Variants in DNAJB9 observed in about 807,000 individuals in gnomAD.
DNAJB9 encodes DnaJ heat shock protein family (Hsp40) member B9, also known as dnaJ homolog subfamily B member 9.
Under a neutral mutation model 19.2 loss-of-function variants are expected in DNAJB9, and 12 were observed. The observed-to-expected ratio is 0.62, with a 90% CI of 0.40 to 1.01. The LOEUF (loss-of-function observed/expected upper bound fraction) is 1.01. Ranked by LOEUF, DNAJB9 falls within the 50% of genes least tolerant of loss-of-function variation. DNAJB9 has a pLI of 0.00. For synonymous variants in DNAJB9, 83 were observed against 84.0 expected, an observed-to-expected ratio of 0.99 and a Z score of 0.07; for missense variants, 272 against 261.1, an observed-to-expected ratio of 1.04 and a Z score of -0.29.
rs1223108571 is a variant in DNAJB9, at chr7:108,573,124, G to T, written c.443G>T (p.Gly148Val). ...CATTTCCAGACACGCCAGGATGGTG[G>T]TTCCAGTAGACAAAGGCATCATTTC... ...ENHFQTRQDGGSSRQRHHFQE... is the reference protein window; with the variant it reads ...ENHFQTRQDGVSSRQRHHFQE... Residue 148 changes from glycine (G) to valine (V), a missense_variant, in exon 3 of 3, where the codon GGT becomes GTT. Physicochemically the swap from Gly to Val is moderately radical, Grantham distance 109. Coordinates refer to ENST00000249356, the MANE Select transcript of DNAJB9 (RefSeq NM_012328.3). 6.2e-7 allele frequency: 1 copy of T among 1,614,054 alleles called. No individual in the cohort carries two copies. The highest frequency in any genetic ancestry group is 1.7e-5 in the Admixed American group (1 of 60,032).
At position 108,574,317 on chromosome 7, in the gene DNAJB9, A is replaced by G. The variant is rs1031211821; in HGVS notation, c.*964A>G. 4 of 152,658 alleles carry G rather than the reference A, an allele frequency of 2.6e-5. No individual in the cohort carries two copies. Among genetic ancestry groups the G allele is most frequent in the Non-Finnish European group, 5.9e-5 (4 of 68,036 alleles). The allele number at this position is 152,658 out of a possible 1,614,324, so 9.5% of individuals were successfully genotyped here. ...TGCACTTTTCCACATTATACTCCAT[A>G]TGAGTATTAATCCTATGGATACATA... On this transcript the variant is annotated 3_prime_UTR_variant, in exon 3 of 3. Transcript: ENST00000249356.
intron 1 of DNAJB9, 30 bp from the exon 2 acceptor site, chr7:108,571,687 C>T (rs369690353): frequency 5.6e-5 from 87 of 1,563,886 alleles, no homozygotes; most frequent in Non-Finnish European, 7.3e-5. Flanking sequence ...TAGCTCCATC[C>T]ATAACATTTT....
Position 108,569,929 on chromosome 7 carries a change from C to G in DNAJB9, c.-185C>G. The G allele has an allele frequency of 5.4e-6, 2 of 369,646 alleles. No individual in the cohort carries two copies. Among genetic ancestry groups the G allele is most frequent in the South Asian group, 6.1e-5 (2 of 32,640 alleles). The allele number at this position is 369,646 out of a possible 1,614,324, so 22.9% of individuals were successfully genotyped here. ...CTGTGAGGAGCTGGCTGAGAGGGGA[C>G]TGGGCGCCGGCGGGGAAGGAGGAGC... On this transcript the variant is annotated 5_prime_UTR_variant, in exon 1 of 3. Transcript: ENST00000249356.
chr7:108,569,878 T>G lies in DNAJB9; in HGVS notation c.-236T>G. Reference sequence around the variant, plus strand: ...AGCGTTTCGTGTAGGTCTTCTGAGGTGGTGGCGCCAGCGGCTACCTCCTGC... The same window carrying G: ...AGCGTTTCGTGTAGGTCTTCTGAGGGGGTGGCGCCAGCGGCTACCTCCTGC... On this transcript the variant is annotated 5_prime_UTR_variant, in exon 1 of 3. Transcript: ENST00000249356. The G allele has an allele frequency of 2.0e-6, 1 of 493,660 alleles. No individual in the cohort carries two copies. Among genetic ancestry groups the G allele is most frequent in the Non-Finnish European group, 3.7e-6 (1 of 272,102 alleles). The allele number at this position is 493,660 out of a possible 1,614,324, so 30.6% of individuals were successfully genotyped here.
At position 108,573,136 on chromosome 7, in the gene DNAJB9, A is replaced by G. The variant is rs749079782; in HGVS notation, c.455A>G (p.Gln152Arg). 2.5e-6 allele frequency: 4 copies of G among 1,614,102 alleles called. No individual in the cohort carries two copies. The South Asian group carries it at 4.4e-5, about 18-fold the overall frequency. ...CGCCAGGATGGTGGTTCCAGTAGAC[A>G]AAGGCATCATTTCCAAGAATTTTCT... ...QTRQDGGSSR[Q>R]RHHFQEFSFG... The change falls in exon 3 of 3, where the codon CAA becomes CGA. Residue 152 changes from glutamine to arginine, a missense_variant. Gln to Arg is a conservative substitution (Grantham distance 43, BLOSUM62 1). Transcript: ENST00000249356.
Position 108,573,067 on chromosome 7 carries a change from A to G in DNAJB9, c.386A>G (p.Gln129Arg), listed in dbSNP as rs1275557170. The G allele has an allele frequency of 1.2e-6, 2 of 1,613,976 alleles. No individual in the cohort carries two copies. The highest frequency in any genetic ancestry group is 2.7e-5 in the African/African-American group (2 of 74,942). ...FKDFGFFGQN[Q>R]NTGSKKRFEN... ...GACTTTGGCTTTTTTGGTCAAAACCAAAACACTGGATCCAAGAAGCGTTTT... is the reference window on the plus strand; with the variant it reads ...GACTTTGGCTTTTTTGGTCAAAACCGAAACACTGGATCCAAGAAGCGTTTT... The change falls in exon 3 of 3, where the codon CAA becomes CGA. Residue 129 changes from glutamine (Q) to arginine (R), a missense_variant. Gln to Arg is a conservative substitution (Grantham distance 43, BLOSUM62 1). Coordinates refer to ENST00000249356, the MANE Select transcript of DNAJB9 (RefSeq NM_012328.3).
rs193080310 is a variant in DNAJB9 at position 108,574,239 on chromosome 7, A to G, written c.*886A>G. 1 of 152,706 alleles carries G rather than the reference A, an allele frequency of 6.5e-6. No homozygotes were observed. Among genetic ancestry groups the G allele is most frequent in the East Asian group, 1.9e-4 (1 of 5,192 alleles). The allele number at this position is 152,706 out of a possible 1,614,324, so 9.5% of individuals were successfully genotyped here. A position where few individuals can be genotyped will look rare whatever the true frequency, so the allele number is the denominator to read the frequency against. On this transcript the variant is annotated 3_prime_UTR_variant, in exon 3 of 3. Transcript: ENST00000249356. ...CAACCTTACTATGTGCAATATTTTT[A>G]AATCCTGAGAAATGTGTGCTTTTGT...
intron 2 of DNAJB9, 146 bp from the exon 3 acceptor site, chr7:108,572,753 T>A: frequency 1.6e-6 from 1 of 638,838 alleles, no homozygotes; most frequent in Non-Finnish European, 2.6e-6. Flanking sequence ...ACTTGATGCT[T>A]ATATTTGTAG....
intron 1 of DNAJB9, among the ~76,000 whole-genome samples, chr7:108,571,070 G>A (rs941665207): frequency 1.2e-4 from 18 of 152,296 alleles, no homozygotes; most frequent in Admixed American, 9.8e-4. Context: ...TTCATCATGA[G>A]TTTTAAACAA....
At position 108,574,760 on chromosome 7, in the gene DNAJB9, G is replaced by A. The variant is rs1248421862; in HGVS notation, c.*1407G>A. On this transcript the variant is annotated 3_prime_UTR_variant, in exon 3 of 3. Transcript: ENST00000249356. ...TCTTTAATTTGAAACTTAAGAAAAT[G>A]AATTTATTCTGTTATATTTATGTAA... is the stretch of plus-strand genomic sequence containing the variant. 1.3e-5 allele frequency: 2 copies of A among 152,120 alleles called. No individual in the cohort carries two copies. The highest frequency in any genetic ancestry group is 4.8e-5 in the African/African-American group (2 of 41,412). The allele number at this position is 152,120 out of a possible 1,614,324, so 9.4% of individuals were successfully genotyped here.
At position 108,571,891 on chromosome 7, in the gene DNAJB9, T is replaced by C. The variant is rs936000332; in HGVS notation, c.165T>C (p.Pro55=). 5 of 1,613,962 alleles carry C rather than the reference T, an allele frequency of 3.1e-6. No individual in the cohort carries two copies. In the African/African-American group the frequency reaches 6.7e-5, roughly 22 times the overall value. Residue 55 remains proline (P), a synonymous_variant, in exon 2 of 3, where the codon CCT becomes CCC. Coordinates refer to ENST00000249356, the MANE Select transcript of DNAJB9 (RefSeq NM_012328.3). ...ACAAGTTGGCCATGAAGTACCACCC[T>C]GACAAAAATAAGAGCCCGGATGCTG... is the stretch of plus-strand genomic sequence containing the variant. ...AFHKLAMKYH[P]DKNKSPDAEA...
chr7:108,572,191 T>A, intron 2 of DNAJB9: 1 of 332,534 alleles, frequency 3.0e-6, no homozygotes, highest in Admixed American at 4.4e-5. Context: ...CTATTCTATA[T>A]TATTTATAAG....
rs989759587 is a variant in DNAJB9, at chr7:108,574,345, A to G, written c.*992A>G. On this transcript the variant is annotated 3_prime_UTR_variant, in exon 3 of 3. Transcript: ENST00000249356. ...AGTATTAATCCTATGGATACATATTAAAACAAGTGTCTCATACAACATTGT... is the reference window on the plus strand; with the variant it reads ...AGTATTAATCCTATGGATACATATTGAAACAAGTGTCTCATACAACATTGT... The G allele has an allele frequency of 1.3e-5, 2 of 152,666 alleles. No homozygotes were observed. Among genetic ancestry groups the G allele is most frequent in the Admixed American group, 6.5e-5 (1 of 15,284 alleles). 9.5% of individuals were successfully genotyped at this position (152,666 alleles called of 1,614,324 possible).
intron 1 of DNAJB9, 97 bp from the exon 2 acceptor site, chr7:108,571,620 T>C (rs2154518264): frequency 1.1e-6 from 1 of 920,332 alleles, no homozygotes; most frequent in South Asian, 1.7e-5. Context: ...ACTATTTTGA[T>C]ACTGCATTAG....
Position 108,571,771 on chromosome 7 carries a change from A to C in DNAJB9, c.45A>C (p.Leu15Phe), listed in dbSNP as rs1435248357. ...QSIFIFAICI[L>F]MITELILASK... ...TTTTCATCTTTGCAATCTGCATTTT[A>C]ATGATAACAGAATTAATTCTGGCCT... Residue 15 changes from leucine to phenylalanine, a missense_variant, in exon 2 of 3, where the codon TTA (leucine) becomes TTC (phenylalanine). Coordinates refer to ENST00000249356, the MANE Select transcript of DNAJB9 (RefSeq NM_012328.3). 6.2e-7 allele frequency: 1 copy of C among 1,614,140 alleles called. No individual in the cohort carries two copies. The highest frequency in any genetic ancestry group is 8.5e-7 in the Non-Finnish European group (1 of 1,180,014).
chr7:108,570,396 G>A (rs991495523), intron 1 of DNAJB9, among the ~76,000 whole-genome samples: 1 of 152,138 alleles, frequency 6.6e-6, no homozygotes, highest in South Asian at 2.1e-4. Flanking sequence ...GGTGAAGGTT[G>A]GAGGGTCTAG....
chr7:108,571,302 G>GT (rs139814186), intron 1 of DNAJB9, among the ~76,000 whole-genome samples: 6,777 of 145,214 alleles, frequency 0.047, 471 homozygotes, highest in African/African-American at 0.16. Context: ...TTTTTTTAAT[G>GT]TTTTTTTTTT....
intron 1 of DNAJB9, 25 bp downstream of exon 1, chr7:108,570,128 G>A (rs1790591364): frequency 6.4e-6 from 1 of 157,450 alleles, no homozygotes; most frequent in African/African-American, 2.4e-5. Context: ...CGGGGTCGTG[G>A]GGAGGGGAGT....
At chr7:108,571,510 G>A (rs1268983281) in intron 1 of DNAJB9, among the ~76,000 whole-genome samples, 2 of 151,970 alleles carry the variant, frequency 1.3e-5, no homozygotes, top group African/African-American at 4.8e-5. Context: ...GACAGACAAA[G>A]CCAAGAATTA....
Sources: allele counts gnomAD v4.1 joint callset (sites outside exome capture counted in the v4.1 genomes callset), GRCh38; gene constraint gnomAD v4.1.1; transcripts MANE v1.5; gene names NCBI Gene and HGNC (gene_info 2026-07-23, HGNC 2026-07-21).